Variants in CAST observed in about 807,000 individuals in gnomAD.
CAST encodes the protein calpastatin, also known as MIR583 host.
CAST carries 76 observed loss-of-function variants against 119.6 expected under a neutral mutation model. That is an observed-to-expected ratio of 0.64 (90% CI 0.53 to 0.77). CAST has a LOEUF of 0.77. Among genes scored for constraint, CAST ranks in the 30% least tolerant of loss-of-function variants. The pLI is 0.00. For missense variants in CAST, 953 were observed against 946.5 expected, an observed-to-expected ratio of 1.01 and a Z score of -0.09; for synonymous variants, 319 against 331.6, an observed-to-expected ratio of 0.96 and a Z score of 0.41.
the CAST span, among the ~76,000 whole-genome samples, chr5:96,326,568 T>A: frequency 6.6e-6 from 1 of 152,336 alleles, no homozygotes; most frequent in African/African-American, 2.4e-5. Flanking sequence ...TTCTCTTCAC[T>A]GGGCCCCCTC....
the CAST span, among the ~76,000 whole-genome samples, chr5:96,003,490 ATGGCGCCAC>A: frequency 0.037 from 5,493 of 149,226 alleles, 165 homozygotes; most frequent in Admixed American, 0.076. Flanking sequence ...GTGAGCCGAG[ATGGCGCCAC>A]TGCACTCCAG....
At chr5:96,378,040 G>A in the CAST span, among the ~76,000 whole-genome samples, 1 of 152,072 alleles carries the variant, frequency 6.6e-6, no homozygotes, top group Non-Finnish European at 1.5e-5. Context: ...ACATTATACT[G>A]TATGAAATAA....
At chr5:96,391,634 T>C in the CAST span, 1 of 152,210 alleles carries the variant, frequency 6.6e-6, no homozygotes, top group Non-Finnish European at 1.5e-5. Flanking sequence ...CAAATGCCTA[T>C]TGGATACTGC....
the CAST span, among the ~76,000 whole-genome samples, chr5:96,420,787 A>AGAGAGAG: frequency 3.5e-5 from 5 of 143,352 alleles, no homozygotes; most frequent in Non-Finnish European, 4.6e-5. Flanking sequence ...GAGAGAGAGA[A>AGAGAGAG]AGAGAGAGAG....
At chr5:96,525,867 A>G (rs142409344), upstream of CAST, among the ~76,000 whole-genome samples, 24 of 152,238 alleles carry the variant, frequency 1.6e-4, no homozygotes, top group Admixed American at 1.6e-3. Flanking sequence ...AATTGTCAAC[A>G]TGAGGCTGGA....
At chr5:96,373,200 G>A in the CAST span, among the ~76,000 whole-genome samples, 1 of 152,150 alleles carries the variant, frequency 6.6e-6, no homozygotes, top group Non-Finnish European at 1.5e-5. Context: ...AAAGAGAACT[G>A]GATGACAGTG....
At chr5:96,754,233 C>T (rs1765791395) in intron 21 of CAST, 72 bp downstream of exon 21, 3 of 950,158 alleles carry the variant, frequency 3.2e-6, no homozygotes, top group African/African-American at 3.2e-5. Flanking sequence ...ATAAGTTAGT[C>T]ATTTGTTTTG....
intron 1 of CAST, among the ~76,000 whole-genome samples, chr5:96,532,637 A>G (rs261971): frequency 1 from 151,832 of 152,316 alleles, 75,677 homozygotes; most frequent in Middle Eastern, 1. Flanking sequence ...ATCACCTGAG[A>G]TCAGGAGTTC....
chr5:96,449,091 C>A, the CAST span, among the ~76,000 whole-genome samples: 1 of 152,134 alleles, frequency 6.6e-6, no homozygotes, highest in East Asian at 1.9e-4. Context: ...TAAATAATAT[C>A]ATTTTCCTTT....
chr5:96,302,580 C>G, the CAST span, among the ~76,000 whole-genome samples: 1 of 152,188 alleles, frequency 6.6e-6, no homozygotes, highest in South Asian at 2.1e-4. Context: ...CTTTTAGAAG[C>G]AACCAGGTCA....
At chr5:96,556,851 A>G (rs568248192) in intron 1 of CAST, among the ~76,000 whole-genome samples, 14 of 152,312 alleles carry the variant, frequency 9.2e-5, no homozygotes, top group African/African-American at 3.4e-4. Flanking sequence ...TCCAGGAAAT[A>G]CAGAGAATGC....
chr5:96,356,233 G>GC, the CAST span, among the ~76,000 whole-genome samples: 10 of 152,086 alleles, frequency 6.6e-5, no homozygotes, highest in African/African-American at 1.9e-4. Context: ...CTGGATATTA[G>GC]CCCTTTGTCA....
At chr5:96,098,886 A>G in the CAST span, among the ~76,000 whole-genome samples, 1 of 152,162 alleles carries the variant, frequency 6.6e-6, no homozygotes, top group African/African-American at 2.4e-5. Context: ...TAATAGGAAT[A>G]GTGTTGGATC....
the CAST span, among the ~76,000 whole-genome samples, chr5:96,082,985 A>C: frequency 6.6e-6 from 1 of 152,238 alleles, no homozygotes; most frequent in Non-Finnish European, 1.5e-5. Flanking sequence ...AATTGGTATC[A>C]ATACTTTGTC....
At chr5:96,051,136 C>A in the CAST span, among the ~76,000 whole-genome samples, 1 of 151,956 alleles carries the variant, frequency 6.6e-6, no homozygotes, top group Non-Finnish European at 1.5e-5. Context: ...GTGTTTGTAT[C>A]TGCTTGGTAA....
At chr5:96,004,880 C>G in the CAST span, among the ~76,000 whole-genome samples, 1 of 152,084 alleles carries the variant, frequency 6.6e-6, no homozygotes, top group African/African-American at 2.4e-5. Flanking sequence ...TAAAGCAACT[C>G]TTCAAAAAAT....
Position 96,727,476 on chromosome 5 carries a change from T to C in CAST, c.337-13T>C, listed in dbSNP as rs1402794611. 6.7e-7 allele frequency: 1 copy of C among 1,488,682 alleles called. No homozygotes were observed. The highest frequency in any genetic ancestry group is 1.3e-5 in the South Asian group (1 of 79,604). The allele number at this position is 1,488,682 out of a possible 1,614,324, so 92.2% of individuals were successfully genotyped here. ...CTTCCTTCCTTTTTTTCTTTCTTTT[T>C]TTCTGAACTTAGGCTGTAAAAACAG... is the stretch of plus-strand genomic sequence containing the variant. On this transcript the variant is annotated splice_polypyrimidine_tract_variant and intron_variant, in intron 5 of 31. Coordinates refer to ENST00000675179, the MANE Select transcript of CAST (RefSeq NM_001750.7).
chr5:96,052,146 G>A, the CAST span, among the ~76,000 whole-genome samples: 2 of 152,200 alleles, frequency 1.3e-5, no homozygotes, highest in African/African-American at 4.8e-5. Context: ...ATTAAATAAA[G>A]AGGGTCATAC....
chr5:96,099,057 T>G, the CAST span, among the ~76,000 whole-genome samples: 1 of 152,310 alleles, frequency 6.6e-6, no homozygotes, highest in South Asian at 2.1e-4. Flanking sequence ...TGAGCTGTAT[T>G]CCTAGGTATT....
Sources: allele counts gnomAD v4.1 joint callset (sites outside exome capture counted in the v4.1 genomes callset), GRCh38; gene constraint gnomAD v4.1.1; transcripts MANE v1.5; gene names NCBI Gene and HGNC (gene_info 2026-07-23, HGNC 2026-07-21).